PTPRT: variants seen among roughly 807,000 people sequenced by gnomAD.
PTPRT encodes protein tyrosine phosphatase receptor type T.
Under a neutral mutation model 176.8 loss-of-function variants are expected in PTPRT, and 56 were observed. The observed-to-expected ratio is 0.32, with a 90% CI of 0.26 to 0.40. PTPRT has a LOEUF of 0.40. PTPRT is among the 10% of genes least tolerant of loss of function. The pLI is 1.00. For synonymous variants in PTPRT, 783 were observed against 739.0 expected (o/e 1.06, Z -0.96); for missense variants, 1,540 against 1,908.2 (o/e 0.81, Z 3.60).
intron 9 of PTPRT, among the ~76,000 whole-genome samples, chr20:42,356,340 C>G (rs1160904182): frequency 2.0e-5 from 3 of 152,042 alleles, no homozygotes; most frequent in Non-Finnish European, 4.4e-5. Context: ...AGGATGTCCC[C>G]CTTCTCTTTT....
chr20:42,365,605 G>C (rs2058503523), intron 9 of PTPRT, among the ~76,000 whole-genome samples: 1 of 151,658 alleles, frequency 6.6e-6, no homozygotes, highest in South Asian at 2.1e-4. Flanking sequence ...GGAAGAAGAA[G>C]AATTGTCTTG....
intron 1 of PTPRT, among the ~76,000 whole-genome samples, chr20:43,096,616 G>T (rs2012180862): frequency 6.6e-6 from 1 of 152,178 alleles, no homozygotes; most frequent in Non-Finnish European, 1.5e-5. Context: ...CCTGTGTAAG[G>T]CCAGAAGCCC....
intron 2 of PTPRT, among the ~76,000 whole-genome samples, chr20:42,828,827 G>A (rs1450460974): frequency 6.6e-6 from 1 of 152,186 alleles, no homozygotes; most frequent in Non-Finnish European, 1.5e-5. Flanking sequence ...TGGATGTCCA[G>A]GTAGAAGTTT....
intron 12 of PTPRT, among the ~76,000 whole-genome samples, chr20:42,292,028 G>C (rs2057324462): frequency 6.6e-6 from 1 of 152,108 alleles, no homozygotes. Flanking sequence ...TAGACCAGAA[G>C]AGTGGCTGCA....
At chr20:42,869,225 C>T (rs1444702878) in intron 2 of PTPRT, among the ~76,000 whole-genome samples, 1 of 151,932 alleles carries the variant, frequency 6.6e-6, no homozygotes, top group African/African-American at 2.4e-5. Flanking sequence ...TCCATGGAGC[C>T]ATGGAGATGG....
intron 26 of PTPRT, 66 bp downstream of exon 26, chr20:42,102,058 T>C: frequency 1.3e-6 from 2 of 1,565,652 alleles, no homozygotes; most frequent in Non-Finnish European, 1.7e-6. Context: ...TCCAGCCACC[T>C]CCACCTCAGG....
At chr20:43,158,771 T>G (rs1197379249) in intron 1 of PTPRT, among the ~76,000 whole-genome samples, 1 of 152,014 alleles carries the variant, frequency 6.6e-6, no homozygotes, top group Non-Finnish European at 1.5e-5. Context: ...GAACATGGAG[T>G]CAGAAAATCT....
intron 9 of PTPRT, among the ~76,000 whole-genome samples, chr20:42,377,369 C>G (rs891370932): frequency 6.6e-6 from 1 of 152,156 alleles, no homozygotes. Context: ...CGTGGTGGTC[C>G]CTCTGGGCAA....
At chr20:42,378,844 C>T (rs2058673079) in intron 9 of PTPRT, among the ~76,000 whole-genome samples, 1 of 152,200 alleles carries the variant, frequency 6.6e-6, no homozygotes, top group Non-Finnish European at 1.5e-5. Context: ...TTAAATAATT[C>T]ATGCAAAGCT....
At chr20:42,729,315 G>C (rs2076426232) in intron 6 of PTPRT, among the ~76,000 whole-genome samples, 1 of 152,032 alleles carries the variant, frequency 6.6e-6, no homozygotes, top group African/African-American at 2.4e-5. Context: ...CTGCAAAAGG[G>C]GAGAAAAAAA....
intron 7 of PTPRT, among the ~76,000 whole-genome samples, chr20:42,624,084 G>C (rs1183992517): frequency 6.6e-6 from 1 of 151,502 alleles, no homozygotes; most frequent in Non-Finnish European, 1.5e-5. Flanking sequence ...GCCATGACTT[G>C]TACCAGGCAC....
intron 2 of PTPRT, among the ~76,000 whole-genome samples, chr20:42,878,446 C>T (rs1246966903): frequency 6.6e-6 from 1 of 152,184 alleles, no homozygotes; most frequent in African/African-American, 2.4e-5. Flanking sequence ...CATCATAAAT[C>T]ATGACTGCAA....
chr20:42,562,994 T>C (rs539565843), intron 7 of PTPRT, among the ~76,000 whole-genome samples: 16 of 152,312 alleles, frequency 1.1e-4, no homozygotes, highest in Non-Finnish European at 1.2e-4. Flanking sequence ...TATCTTTTCA[T>C]ATTCTTGCTT....
intron 1 of PTPRT, among the ~76,000 whole-genome samples, chr20:42,970,302 C>G (rs1285086880): frequency 6.6e-6 from 1 of 152,184 alleles, no homozygotes; most frequent in African/African-American, 2.4e-5. Flanking sequence ...ACAATAACAT[C>G]AGTCTTAGGT....
chr20:42,678,457 CG>C (rs1158520995), intron 6 of PTPRT, among the ~76,000 whole-genome samples: 1 of 152,044 alleles, frequency 6.6e-6, no homozygotes, highest in Non-Finnish European at 1.5e-5. Context: ...CCTGCCACCA[CG>C]GCTGGTTAAT....
chr20:42,085,828 T>C lies in PTPRT; in HGVS notation c.3872A>G (p.Lys1291Arg). The C allele has an allele frequency of 6.2e-7, 1 of 1,613,562 alleles. No homozygotes were observed. The highest frequency in any genetic ancestry group is 8.5e-7 in the Non-Finnish European group (1 of 1,179,420). The change falls in exon 28 of 31, where the codon AAG becomes AGG. Residue 1291 changes from lysine (K) to arginine (R), a missense_variant. Lys to Arg is a conservative substitution (Grantham distance 26). This residue lies in a region of PTPRT where 342 missense variants were observed against 394.0 expected (regional missense o/e 0.87). Transcript: ENST00000373187. ...AQFCMQYWPEKTSGCYGPIQV... is the reference protein window; with the variant it reads ...AQFCMQYWPERTSGCYGPIQV... ...GATGGGCCCATAGCACCCGGAGGTC[T>C]TCTCAGGCCAGTACTGCATACAGAA...
intron 19 of PTPRT, among the ~76,000 whole-genome samples, chr20:42,121,604 T>A (rs1394275414): frequency 6.6e-6 from 1 of 152,014 alleles, no homozygotes; most frequent in African/African-American, 2.4e-5. Context: ...AGCTACTTAG[T>A]CTCATTGTGC....
intron 1 of PTPRT, among the ~76,000 whole-genome samples, chr20:43,099,713 G>T (rs2012313781): frequency 6.6e-6 from 1 of 152,014 alleles, no homozygotes; most frequent in African/African-American, 2.4e-5. Context: ...CTCCAATCCT[G>T]CCAGTCTTTC....
intron 1 of PTPRT, among the ~76,000 whole-genome samples, chr20:42,923,840 C>CTTTT (rs776244592): frequency 6.6e-6 from 1 of 150,780 alleles, no homozygotes; most frequent in African/African-American, 2.5e-5. Flanking sequence ...ACATTTTTTT[C>CTTTT]TTTTCTTTTT....
Sources: gnomAD v4.1 joint callset for allele counts (sites outside exome capture counted in the v4.1 genomes callset) on GRCh38, gnomAD v4.1.1 for gene constraint, gnomAD v4.1.1 regional missense constraint, MANE v1.5 for transcripts, NCBI Gene and HGNC (gene_info 2026-07-23, HGNC 2026-07-21) for gene names.